The following ATP6V0D1 variants were observed in gnomAD, a reference collection of about 807,000 sequenced individuals.
ATP6V0D1 encodes the protein ATPase H+ transporting V0 subunit d1.
In ATP6V0D1, 13 loss-of-function variants were observed where a neutral mutation model predicts 39.0. The observed-to-expected ratio is 0.33, with a 90% CI of 0.22 to 0.53. ATP6V0D1 has a LOEUF of 0.53. Among genes scored for constraint, ATP6V0D1 ranks in the 20% least tolerant of loss-of-function variants. The pLI is 0.94. For missense variants in ATP6V0D1, 272 were observed against 470.9 expected, an observed-to-expected ratio of 0.58 and a Z score of 3.91; for synonymous variants, 191 against 191.2, an observed-to-expected ratio of 1.00 and a Z score of 0.01.
chr16:67,444,093 G>C lies in ATP6V0D1; in HGVS notation c.481+435C>G, dbSNP rs1004144991. Among the ~76,000 whole-genome samples, 1 of 152,238 alleles carries C rather than the reference G, an allele frequency of 6.6e-6. No homozygotes were observed. The highest frequency in any genetic ancestry group is 1.5e-5 in the Non-Finnish European group (1 of 68,040). The stretch of plus-strand genomic sequence containing the variant: ...CTGACCTGGCCCAGGGGACCTGCTC[G>C]GTGGAGGGAAGTGGCAGTGTTTGCT... On this transcript the variant is annotated intron_variant, in intron 3 of 7. Transcript: ENST00000290949. The surrounding 1 kb of genome is among the most constrained non-coding windows in gnomAD (Gnocchi z 4.8).
chr16:67,479,363 G>A (rs1162010275), intron 1 of ATP6V0D1, among the ~76,000 whole-genome samples: 1 of 151,952 alleles, frequency 6.6e-6, no homozygotes, highest in East Asian at 1.9e-4. Context: ...ACAGGCGCCT[G>A]TCACCACGCC....
At chr16:67,464,778 C>T (rs1269902786) in intron 1 of ATP6V0D1, among the ~76,000 whole-genome samples, 1 of 152,268 alleles carries the variant, frequency 6.6e-6, no homozygotes, top group East Asian at 1.9e-4. Context: ...ATTGCCTGAG[C>T]ATCCAAAGTG....
rs1042197874 is a variant in ATP6V0D1, at chr16:67,453,297, T to G, written c.302+247A>C. The stretch of plus-strand genomic sequence containing the variant: ...TGCCCATCATATCTTCAGCCAGTAG[T>G]GAACGTGCTGGTGACCCATTTCATA... On this transcript the variant is annotated intron_variant, in intron 2 of 7. Coordinates refer to ENST00000290949, the MANE Select transcript of ATP6V0D1 (RefSeq NM_004691.5). This position sits in a 1 kb window ranked among gnomAD's most constrained non-coding sequence, Gnocchi z 4.1. Among the ~76,000 whole-genome samples, 1 of 152,216 alleles carries G rather than the reference T, an allele frequency of 6.6e-6. No individual in the cohort carries two copies. The highest frequency in any genetic ancestry group is 1.5e-5 in the Non-Finnish European group (1 of 68,028).
chr16:67,464,325 GA>G (rs1399028492), intron 1 of ATP6V0D1, among the ~76,000 whole-genome samples: 2 of 152,132 alleles, frequency 1.3e-5, no homozygotes, highest in Middle Eastern at 3.2e-3. Flanking sequence ...GATAAAGGGG[GA>G]AAAAAATCAA....
At position 67,438,519 on chromosome 16, in the gene ATP6V0D1, G is replaced by A. The variant is rs777066400; in HGVS notation, c.*9C>T. The A allele has an allele frequency of 6.2e-7, 1 of 1,613,998 alleles. No homozygotes were observed. The highest frequency in any genetic ancestry group is 1.7e-5 in the Admixed American group (1 of 59,998). Reference sequence around the variant, plus strand: ...CAAAGAGTGCAATTGAGAGCCTTGGGCCAGGACGCTAGAAGATAGGGATGT... The same window carrying A: ...CAAAGAGTGCAATTGAGAGCCTTGGACCAGGACGCTAGAAGATAGGGATGT... On this transcript the variant is annotated 3_prime_UTR_variant, in exon 8 of 8. Transcript: ENST00000290949.
At position 67,462,150 on chromosome 16, in the gene ATP6V0D1, C is replaced by T. The variant is rs535398967; in HGVS notation, c.131-8435G>A. Among the ~76,000 whole-genome samples, 8 of 152,196 alleles carry T rather than the reference C, an allele frequency of 5.3e-5. No individual in the cohort carries two copies. The East Asian group carries it at 1.4e-3, about 26-fold the overall frequency. On this transcript the variant is annotated intron_variant, in intron 1 of 7. Coordinates refer to ENST00000290949, the MANE Select transcript of ATP6V0D1 (RefSeq NM_004691.5). ...TCCGCCTGGACAGCCCGTCACCAGG[C>T]CGTCCCCACCCAGGCCTGAAGGCTC...
Position 67,438,318 on chromosome 16 carries a change from T to TG in ATP6V0D1, c.*209dup, listed in dbSNP as rs201730993. 5.3e-3 allele frequency: 3,061 copies of TG among 573,256 alleles called. 12 individuals are homozygous for TG. The highest frequency in any genetic ancestry group is 0.026 in the South Asian group (1,205 of 45,616). The allele number at this position is 573,256 out of a possible 1,614,324, so 35.5% of individuals were successfully genotyped here. ...GGAGGGGGTCTTCGTCCATCCTTGGTGGGGGGGGGTGCCCAGCCCCTTTTC... is the reference window on the plus strand; with the variant it reads ...GGAGGGGGTCTTCGTCCATCCTTGGTGGGGGGGGGGTGCCCAGCCCCTTTTC... On this transcript the variant is annotated 3_prime_UTR_variant, in exon 8 of 8. Coordinates refer to ENST00000290949, the MANE Select transcript of ATP6V0D1 (RefSeq NM_004691.5).
intron 2 of ATP6V0D1, among the ~76,000 whole-genome samples, chr16:67,448,516 C>T (rs944701013): frequency 6.6e-6 from 1 of 151,952 alleles, no homozygotes; most frequent in African/African-American, 2.4e-5. Context: ...AAAAATTAGT[C>T]GGGTGTGGTG....
chr16:67,461,189 T>A (rs1225180100), intron 1 of ATP6V0D1, among the ~76,000 whole-genome samples: 1 of 152,210 alleles, frequency 6.6e-6, no homozygotes, highest in Non-Finnish European at 1.5e-5. Flanking sequence ...CTGTTCCTCC[T>A]CTCCATGGTC....
chr16:67,459,353 A>C, intron 1 of ATP6V0D1: 1 of 770,416 alleles, frequency 1.3e-6, no homozygotes. Flanking sequence ...GCCTGTGTCA[A>C]GGACCATTGC....
intron 2 of ATP6V0D1, among the ~76,000 whole-genome samples, chr16:67,451,901 T>C (rs1165667885): frequency 6.6e-6 from 1 of 152,226 alleles, no homozygotes; most frequent in Non-Finnish European, 1.5e-5. Flanking sequence ...AAAGGCTAGC[T>C]GCACAGGCAG....
At chr16:67,457,634 T>C (rs771123214) in intron 1 of ATP6V0D1, 1 of 1,289,428 alleles carries the variant, frequency 7.8e-7, no homozygotes, top group South Asian at 1.2e-5. Flanking sequence ...CTGGCATCCC[T>C]TGTGGCACCA....
chr16:67,457,423 G>T, intron 1 of ATP6V0D1: 1 of 464,660 alleles, frequency 2.2e-6, no homozygotes, highest in Non-Finnish European at 3.8e-6. Flanking sequence ...CTTGACCCAG[G>T]ACAGGCTTTT....
At chr16:67,473,684 T>G (rs1041598278) in intron 1 of ATP6V0D1, among the ~76,000 whole-genome samples, 1 of 152,144 alleles carries the variant, frequency 6.6e-6, no homozygotes, top group East Asian at 1.9e-4. Context: ...CCACCATGCC[T>G]GGCTAATTTT....
Position 67,444,714 on chromosome 16 carries a change from G to A in ATP6V0D1, c.303-8C>T. 6.3e-7 allele frequency: 1 copy of A among 1,584,594 alleles called. No individual in the cohort carries two copies. The highest frequency in any genetic ancestry group is 1.3e-5 in the African/African-American group (1 of 74,614). On this transcript the variant is annotated splice_polypyrimidine_tract_variant and splice_region_variant and intron_variant, in intron 2 of 7. Coordinates refer to ENST00000290949, the MANE Select transcript of ATP6V0D1 (RefSeq NM_004691.5). This position sits in a 1 kb window ranked among gnomAD's most constrained non-coding sequence, Gnocchi z 4.8. ...TCGATCATGTAACTGTAACTACAGGGGGCAGGCAATAGCAAGGAGCCCATC... is the reference window on the plus strand; with the variant it reads ...TCGATCATGTAACTGTAACTACAGGAGGCAGGCAATAGCAAGGAGCCCATC...
chr16:67,438,771 C>T, intron 7 of ATP6V0D1, 22 bp downstream of exon 7: 1 of 1,614,156 alleles, frequency 6.2e-7, no homozygotes, highest in Non-Finnish European at 8.5e-7. Context: ...CTCCCTCTGA[C>T]AAGCAGACCC....
At chr16:67,475,120 C>T (rs564962181) in intron 1 of ATP6V0D1, among the ~76,000 whole-genome samples, 3 of 152,310 alleles carry the variant, frequency 2.0e-5, no homozygotes, top group South Asian at 2.1e-4. Flanking sequence ...TGTTAAAGTA[C>T]AAGTCTAATA....
At chr16:67,442,175 GGCCCCT>G (rs1339655684) in intron 4 of ATP6V0D1, among the ~76,000 whole-genome samples, 6 of 152,392 alleles carry the variant, frequency 3.9e-5, no homozygotes, top group Non-Finnish European at 8.8e-5. Context: ...CTCTGGCCCA[GGCCCCT>G]GCAGGGAGAT....
Position 67,444,409 on chromosome 16 carries a change from G to A in ATP6V0D1, c.481+119C>T, listed in dbSNP as rs1305322291. 9.6e-7 allele frequency: 1 copy of A among 1,037,856 alleles called. No homozygotes were observed. The highest frequency in any genetic ancestry group is 1.4e-6 in the Non-Finnish European group (1 of 727,930). The allele number at this position is 1,037,856 out of a possible 1,614,324, so 64.3% of individuals were successfully genotyped here. On this transcript the variant is annotated intron_variant, in intron 3 of 7. Coordinates refer to ENST00000290949, the MANE Select transcript of ATP6V0D1 (RefSeq NM_004691.5). The surrounding 1 kb of genome is among the most constrained non-coding windows in gnomAD (Gnocchi z 4.8). ...AGTTGAAGGGAGACAAAGGTAAGCA[G>A]CAGTGGGCAGGTCTCACTTTCTGGC...
Sources: gnomAD v4.1 joint callset for allele counts (sites outside exome capture counted in the v4.1 genomes callset) on GRCh38, gnomAD v4.1.1 for gene constraint, Gnocchi (gnomAD v3.1) non-coding constraint, MANE v1.5 for transcripts, NCBI Gene and HGNC (gene_info 2026-07-23, HGNC 2026-07-21) for gene names.